SLC24A2: variants seen among roughly 807,000 people sequenced by gnomAD.
SLC24A2 encodes sodium/potassium/calcium exchanger 2.
A neutral mutation model predicts 62.0 loss-of-function variants in SLC24A2; 36 were observed. The ratio of observed to expected loss-of-function variants is 0.58; its 90% CI spans 0.44 to 0.77. The LOEUF (loss-of-function observed/expected upper bound fraction) is 0.77. SLC24A2 is among the 30% of genes least tolerant of loss of function. The pLI, the probability that SLC24A2 is intolerant of heterozygous loss-of-function variation, is 0.00. For missense variants in SLC24A2, 846 were observed against 817.9 expected, an observed-to-expected ratio of 1.03 and a Z score of -0.42; for synonymous variants, 358 against 294.0, an observed-to-expected ratio of 1.22 and a Z score of -2.23.
chr9:20,065,021 T>G, the SLC24A2 span, among the ~76,000 whole-genome samples: 1 of 152,198 alleles, frequency 6.6e-6, no homozygotes, highest in Non-Finnish European at 1.5e-5. Flanking sequence ...TGGCAATCTG[T>G]GTGATTCCAG....
chr9:20,115,307 C>A, the SLC24A2 span, among the ~76,000 whole-genome samples: 1 of 152,058 alleles, frequency 6.6e-6, no homozygotes, highest in East Asian at 1.9e-4. Context: ...GATGAATCTT[C>A]CCTGGTTAAT....
the SLC24A2 span, among the ~76,000 whole-genome samples, chr9:19,933,508 C>T: frequency 6.6e-6 from 1 of 152,086 alleles, no homozygotes; most frequent in African/African-American, 2.4e-5. Context: ...TCAATTCATT[C>T]ATCTACTTGT....
At chr9:20,252,935 C>T in the SLC24A2 span, among the ~76,000 whole-genome samples, 1 of 152,340 alleles carries the variant, frequency 6.6e-6, no homozygotes, top group East Asian at 1.9e-4. Flanking sequence ...TTGCCTCAGG[C>T]TTCTCTGACC....
chr9:20,049,899 C>T, the SLC24A2 span, among the ~76,000 whole-genome samples: 15 of 151,962 alleles, frequency 9.9e-5, no homozygotes, highest in East Asian at 1.9e-4. Context: ...GGCCCAGATA[C>T]GAAGAAAAAA....
chr9:20,122,399 T>C, the SLC24A2 span, among the ~76,000 whole-genome samples: 1 of 152,152 alleles, frequency 6.6e-6, no homozygotes, highest in South Asian at 2.1e-4. Context: ...AAAACATTAC[T>C]TTTTAGGCAG....
chr9:20,297,691 G>A, the SLC24A2 span, among the ~76,000 whole-genome samples: 5 of 152,168 alleles, frequency 3.3e-5, no homozygotes, highest in Admixed American at 6.5e-5. Context: ...GATGCAACAC[G>A]GGTGGATCCG....
At chr9:19,957,760 C>A in the SLC24A2 span, 1 of 152,092 alleles carries the variant, frequency 6.6e-6, no homozygotes, top group South Asian at 2.1e-4. Flanking sequence ...GGGAAAGAGT[C>A]GGGGTGCTGC....
chr9:20,181,815 C>T, the SLC24A2 span, among the ~76,000 whole-genome samples: 4 of 152,140 alleles, frequency 2.6e-5, no homozygotes, highest in Admixed American at 6.5e-5. Context: ...AGCTTCTGCA[C>T]AGCAAAAGAA....
In SLC24A2 at chr9:19,582,275, A is replaced by C. The variant is rs562772898; in HGVS notation, c.1130-5253T>G. On this transcript the variant is annotated intron_variant, in intron 5 of 10. Coordinates refer to ENST00000341998, the MANE Select transcript of SLC24A2 (RefSeq NM_020344.4). Reference sequence around the variant, plus strand: ...CAACGTTTGGAGGGTCTGTTCACTCAAAGGAAATGAATTTTGTTTCTCTTC... The same window carrying C: ...CAACGTTTGGAGGGTCTGTTCACTCCAAGGAAATGAATTTTGTTTCTCTTC... Among the ~76,000 whole-genome samples the C allele has an allele frequency of 6.6e-5, 10 of 152,338 alleles. No homozygotes were observed. In the South Asian group the frequency reaches 2.1e-3, roughly 32 times the overall value.
At chr9:19,544,634 A>G (rs972792846) in intron 8 of SLC24A2, among the ~76,000 whole-genome samples, 1 of 152,142 alleles carries the variant, frequency 6.6e-6, no homozygotes, top group African/African-American at 2.4e-5. Flanking sequence ...GGTGGTGACA[A>G]AATCTCTCGG....
the SLC24A2 span, among the ~76,000 whole-genome samples, chr9:20,012,143 C>T: frequency 6.6e-6 from 1 of 152,046 alleles, no homozygotes; most frequent in Admixed American, 6.5e-5. Flanking sequence ...GCAGAGATAC[C>T]CACTGTATTA....
At chr9:20,241,769 G>T in the SLC24A2 span, among the ~76,000 whole-genome samples, 28 of 152,136 alleles carry the variant, frequency 1.8e-4, 1 homozygote, top group East Asian at 4.7e-3. Flanking sequence ...GAGGTTGGGG[G>T]TGCAAGCCAA....
At chr9:19,865,111 G>T in the SLC24A2 span, among the ~76,000 whole-genome samples, 1 of 152,038 alleles carries the variant, frequency 6.6e-6, no homozygotes, top group Middle Eastern at 3.4e-3. Flanking sequence ...AAATACGTAG[G>T]AATCGACTTA....
chr9:19,514,437 T>A lies in SLC24A2; in HGVS notation c.*1716A>T, dbSNP rs990914803. ...ACCATCCTTGATTCAATTTTTCAACTGATTTTAAGGAAAGCATGACTTGGA... is the reference window on the plus strand; with the variant it reads ...ACCATCCTTGATTCAATTTTTCAACAGATTTTAAGGAAAGCATGACTTGGA... On this transcript the variant is annotated 3_prime_UTR_variant, in exon 11 of 11. Transcript: ENST00000341998. 2 of 152,208 alleles carry A rather than the reference T, an allele frequency of 1.3e-5. No homozygotes were observed. The highest frequency in any genetic ancestry group is 2.9e-5 in the Non-Finnish European group (2 of 68,042). 9.4% of individuals were successfully genotyped at this position (152,208 alleles called of 1,614,324 possible).
At chr9:19,679,874 G>C (rs1304335661) in intron 2 of SLC24A2, among the ~76,000 whole-genome samples, 1 of 147,374 alleles carries the variant, frequency 6.8e-6, no homozygotes, top group Non-Finnish European at 1.5e-5. Flanking sequence ...GTGTGTGTGT[G>C]TGTGTGTGTC....
chr9:19,779,306 C>A (rs1225796331), intron 2 of SLC24A2, among the ~76,000 whole-genome samples: 1 of 152,078 alleles, frequency 6.6e-6, no homozygotes, highest in East Asian at 1.9e-4. Flanking sequence ...TCACACCTGA[C>A]ATATCTTAAG....
the SLC24A2 span, among the ~76,000 whole-genome samples, chr9:20,227,789 T>A: frequency 1.3e-5 from 2 of 152,102 alleles, no homozygotes; most frequent in East Asian, 1.9e-4. Context: ...ATTGGGATAA[T>A]TGCCACCAAC....
the SLC24A2 span, among the ~76,000 whole-genome samples, chr9:19,972,847 T>TA: frequency 6.6e-6 from 1 of 152,172 alleles, no homozygotes. Context: ...TTTCTGTCAT[T>TA]ACGAGAAGAG....
chr9:19,907,747 G>A, the SLC24A2 span, among the ~76,000 whole-genome samples: 1 of 152,190 alleles, frequency 6.6e-6, no homozygotes, highest in East Asian at 1.9e-4. Flanking sequence ...GCTTCAAAGA[G>A]AATAAAATAC....
Sources: allele counts gnomAD v4.1 joint callset (sites outside exome capture counted in the v4.1 genomes callset), GRCh38; gene constraint gnomAD v4.1.1; transcripts MANE v1.5; gene names NCBI Gene and HGNC (gene_info 2026-07-23, HGNC 2026-07-21).